FBN1: variants seen among roughly 807,000 people sequenced by gnomAD.
FBN1 encodes the protein fibrillin 1, also known as fibrillin-1.
FBN1 carries 29 observed loss-of-function variants against 365.1 expected under a neutral mutation model. The ratio of observed to expected loss-of-function variants is 0.08; its 90% CI spans 0.06 to 0.11. The LOEUF (loss-of-function observed/expected upper bound fraction) is 0.11, where lower values mean the gene tolerates loss of function less well. Ranked by LOEUF, FBN1 falls within the 10% of genes least tolerant of loss-of-function variation. The probability of loss-of-function intolerance (pLI) is 1.00; values close to 1 mark genes in which losing one functional copy is unlikely to be tolerated. For synonymous variants in FBN1, 1,210 were observed against 1,270.5 expected, an observed-to-expected ratio of 0.95 and a Z score of 1.01; for missense variants, 2,476 against 3,703.2, an observed-to-expected ratio of 0.67 and a Z score of 8.60.
chr15:48,520,884 G>A (rs1022488826), intron 9 of FBN1, 67 bp from the exon 10 acceptor site: 5 of 1,600,254 alleles, frequency 3.1e-6, no homozygotes, highest in Middle Eastern at 1.7e-4. Flanking sequence ...ACACTCCCCT[G>A]CCCGAGCAGC....
chr15:48,584,680 G>C (rs897999830), intron 6 of FBN1, among the ~76,000 whole-genome samples: 7 of 151,976 alleles, frequency 4.6e-5, no homozygotes, highest in African/African-American at 1.7e-4. Context: ...AAAGAAATGA[G>C]GCCTAAATAA....
chr15:48,509,018 A>G (rs1388157651), intron 14 of FBN1, among the ~76,000 whole-genome samples: 2 of 152,222 alleles, frequency 1.3e-5, no homozygotes, highest in African/African-American at 4.8e-5. Context: ...CAAACTGAAA[A>G]ATGTGCTAAT....
chr15:48,627,971 C>G (rs1273693386), intron 2 of FBN1, among the ~76,000 whole-genome samples: 1 of 152,152 alleles, frequency 6.6e-6, no homozygotes, highest in African/African-American at 2.4e-5. Context: ...ACCTCGCATA[C>G]CTAAAGGGCT....
intron 9 of FBN1, among the ~76,000 whole-genome samples, chr15:48,522,918 G>A (rs539664985): frequency 6.6e-6 from 1 of 152,294 alleles, no homozygotes; most frequent in African/African-American, 2.4e-5. Context: ...TCACCAAAGA[G>A]GCAGAACAAG....
chr15:48,644,649 G>A lies in FBN1; in HGVS notation c.121C>T (p.Arg41Trp), dbSNP rs1158441291. 6.2e-7 allele frequency: 1 copy of A among 1,613,720 alleles called. No homozygotes were observed. Among genetic ancestry groups the A allele is most frequent in the Non-Finnish European group, 8.5e-7 (1 of 1,180,000 alleles). ...CCTCCACCGCCTCTTCTCTTGGCCC[G>A]ACTGGCTCTGGTTTCCTTCACGTTC... ...AGNVKETRAS[R>W]AKRRGGGGHD... Residue 41 changes from arginine (R) to tryptophan (W), a missense_variant, in exon 2 of 66, where the codon CGG (arginine) becomes TGG (tryptophan). Physicochemically the swap from Arg to Trp is moderately radical, Grantham distance 101 (BLOSUM62 -3). Around this residue, in one of 5 missense-constraint regions of FBN1, gnomAD observed 76 missense variants for 85.4 expected, o/e 0.89. Coordinates refer to ENST00000316623, the MANE Select transcript of FBN1 (RefSeq NM_000138.5).
chr15:48,466,085 C>G (rs1281962576), intron 38 of FBN1, among the ~76,000 whole-genome samples: 1 of 152,174 alleles, frequency 6.6e-6, no homozygotes, highest in Non-Finnish European at 1.5e-5. Context: ...AGTCCTTGAA[C>G]TCTAACCACT....
rs1460187821 is a variant in FBN1, at chr15:48,487,979, C to G, written c.3337+134G>C. ...CCTCATTCTTTCTACCTCAGTCTCCCTCTGTTGCAGACTGATTCCTAACTT... is the reference window on the plus strand; with the variant it reads ...CCTCATTCTTTCTACCTCAGTCTCCGTCTGTTGCAGACTGATTCCTAACTT... On this transcript the variant is annotated intron_variant, in intron 27 of 65. Transcript: ENST00000316623. The G allele has an allele frequency of 6.8e-6, 8 of 1,171,828 alleles. No individual in the cohort carries two copies. In the South Asian group the frequency reaches 9.9e-5, roughly 14 times the overall value. 72.6% of individuals were successfully genotyped at this position (1,171,828 alleles called of 1,614,324 possible).
At chr15:48,553,907 C>A (rs1381523131) in intron 6 of FBN1, among the ~76,000 whole-genome samples, 2 of 152,214 alleles carry the variant, frequency 1.3e-5, no homozygotes, top group Non-Finnish European at 2.9e-5. Context: ...ATTTATGGAG[C>A]ATGGTGCTGG....
chr15:48,577,608 C>T (rs913683405), intron 6 of FBN1, among the ~76,000 whole-genome samples: 71 of 152,118 alleles, frequency 4.7e-4, no homozygotes, highest in African/African-American at 1.6e-3. Flanking sequence ...AGAAAACAGA[C>T]AGACTGGCCT....
intron 63 of FBN1, among the ~76,000 whole-genome samples, chr15:48,419,810 G>T (rs1428100858): frequency 6.6e-6 from 1 of 152,216 alleles, no homozygotes; most frequent in Non-Finnish European, 1.5e-5. Context: ...GTGGCAACTA[G>T]AACAGGTTAC....
At chr15:48,430,612 C>T in intron 56 of FBN1, 59 bp downstream of exon 56, 2 of 1,603,016 alleles carry the variant, frequency 1.2e-6, no homozygotes, top group Admixed American at 1.7e-5. Context: ...AGCCCAGGTT[C>T]CTTCTGTCCA....
At chr15:48,512,925 G>C (rs981862276) in intron 13 of FBN1, among the ~76,000 whole-genome samples, 6 of 152,102 alleles carry the variant, frequency 3.9e-5, no homozygotes, top group African/African-American at 1.4e-4. Flanking sequence ...TTTAATAAAA[G>C]GCATATTGGG....
chr15:48,594,969 G>A (rs772938048), intron 6 of FBN1, among the ~76,000 whole-genome samples: 1 of 152,076 alleles, frequency 6.6e-6, no homozygotes, highest in Non-Finnish European at 1.5e-5. Context: ...AATTATTAGC[G>A]AATAAAAACA....
At chr15:48,633,490 C>T (rs545494755) in intron 2 of FBN1, among the ~76,000 whole-genome samples, 2 of 152,190 alleles carry the variant, frequency 1.3e-5, no homozygotes, top group East Asian at 1.9e-4. Context: ...GTCATGCTTC[C>T]GATTCCCGGA....
At chr15:48,506,070 A>G (rs1211561073) in intron 15 of FBN1, among the ~76,000 whole-genome samples, 1 of 152,134 alleles carries the variant, frequency 6.6e-6, no homozygotes, top group Non-Finnish European at 1.5e-5. Context: ...TAAAAATACA[A>G]AAATCAGCTG....
intron 9 of FBN1, 52 bp downstream of exon 9, chr15:48,526,078 G>C (rs949475057): frequency 5.6e-6 from 9 of 1,610,330 alleles, no homozygotes; most frequent in Non-Finnish European, 7.6e-6. Context: ...AAAGTTGTTT[G>C]TTATGGAACT....
At position 48,498,940 on chromosome 15, in the gene FBN1, C is replaced by T. The variant is rs750759487; in HGVS notation, c.2167+45G>A. On this transcript the variant is annotated intron_variant, in intron 18 of 65. Coordinates refer to ENST00000316623, the MANE Select transcript of FBN1 (RefSeq NM_000138.5). ...AAACCCACAAGAAAGCCTGATGCTG[C>T]CTCTGCACATACTGAAGGTAGTAAA... 4 of 1,576,308 alleles carry T rather than the reference C, an allele frequency of 2.5e-6. No individual in the cohort carries two copies. In the South Asian group the frequency reaches 3.3e-5, roughly 13 times the overall value.
chr15:48,583,794 T>G (rs2044415044), intron 6 of FBN1, among the ~76,000 whole-genome samples: 1 of 152,224 alleles, frequency 6.6e-6, no homozygotes, highest in Non-Finnish European at 1.5e-5. Flanking sequence ...TTTCTCTTTC[T>G]TTATTACTAT....
chr15:48,444,895 G>A (rs1360251316), intron 48 of FBN1, among the ~76,000 whole-genome samples: 1 of 142,716 alleles, frequency 7.0e-6, no homozygotes, highest in Non-Finnish European at 1.5e-5. Context: ...AATGTTTCCA[G>A]AAAATTGTAG....
Sources: gnomAD v4.1 joint callset for allele counts (sites outside exome capture counted in the v4.1 genomes callset) on GRCh38, gnomAD v4.1.1 for gene constraint, gnomAD v4.1.1 regional missense constraint, MANE v1.5 for transcripts, NCBI Gene and HGNC (gene_info 2026-07-23, HGNC 2026-07-21) for gene names.